PPP3CA: variants seen among roughly 807,000 people sequenced by gnomAD.
PPP3CA encodes protein phosphatase 3 catalytic subunit alpha.
A neutral mutation model predicts 66.5 loss-of-function variants in PPP3CA; 14 were observed. The ratio of observed to expected loss-of-function variants is 0.21; its 90% CI spans 0.14 to 0.33. The LOEUF is 0.33. Among genes scored for constraint, PPP3CA ranks in the 10% least tolerant of loss-of-function variants. The probability of loss-of-function intolerance (pLI) is 1.00; values close to 1 mark genes in which losing one functional copy is unlikely to be tolerated. For missense variants in PPP3CA, 317 were observed against 639.5 expected, an observed-to-expected ratio of 0.50 and a Z score of 5.44; for synonymous variants, 232 against 226.2, an observed-to-expected ratio of 1.03 and a Z score of -0.23.
chr4:101,267,685 C>CA (rs1560689369), intron 1 of PPP3CA, among the ~76,000 whole-genome samples: 1 of 151,708 alleles, frequency 6.6e-6, no homozygotes, highest in African/African-American at 2.4e-5. Flanking sequence ...TATTAACATA[C>CA]GCTATCTCTG....
intron 11 of PPP3CA, among the ~76,000 whole-genome samples, chr4:101,039,829 T>A (rs965521089): frequency 2.1e-5 from 3 of 144,672 alleles, no homozygotes; most frequent in African/African-American, 7.6e-5. Context: ...TCATTTTGAA[T>A]TGACTGTAGA....
chr4:101,199,516 G>T (rs766581027), intron 1 of PPP3CA, among the ~76,000 whole-genome samples: 10 of 152,134 alleles, frequency 6.6e-5, no homozygotes, highest in Non-Finnish European at 1.5e-4. Context: ...AGACTTCTTA[G>T]AAGCATCCTA....
intron 1 of PPP3CA, among the ~76,000 whole-genome samples, chr4:101,331,294 G>T (rs1047323031): frequency 6.6e-6 from 1 of 152,116 alleles, no homozygotes; most frequent in Non-Finnish European, 1.5e-5. Context: ...TACATGCAAG[G>T]CATGGATATT....
intron 1 of PPP3CA, among the ~76,000 whole-genome samples, chr4:101,258,120 A>G (rs1314628613): frequency 6.6e-6 from 1 of 152,164 alleles, no homozygotes; most frequent in Non-Finnish European, 1.5e-5. Context: ...AGTTATCAAA[A>G]AAGTCTTGAC....
Position 101,260,620 on chromosome 4 carries a change from C to T in PPP3CA, c.59-64504G>A, listed in dbSNP as rs79442191. 6.6e-3 allele frequency among the ~76,000 whole-genome samples: 1,000 copies of T among 152,168 alleles called. 9 individuals are homozygous for T. The highest frequency in any genetic ancestry group is 0.023 in the African/African-American group (952 of 41,518). On this transcript the variant is annotated intron_variant, in intron 1 of 13. Coordinates refer to ENST00000394854, the MANE Select transcript of PPP3CA (RefSeq NM_000944.5). ...CTGATGAGCCAAATTATTAACTAAA[C>T]GATGAATGCCAGCAGCATATTGTAA...
intron 11 of PPP3CA, among the ~76,000 whole-genome samples, chr4:101,035,133 ATGGCATGCTCC>A (rs1727182415): frequency 6.6e-6 from 1 of 152,042 alleles, no homozygotes; most frequent in African/African-American, 2.4e-5. Context: ...GCCGGGTGTG[ATGGCATGCTCC>A]TGTAATCCCA....
chr4:101,312,896 A>G (rs1728772161), intron 1 of PPP3CA, among the ~76,000 whole-genome samples: 2 of 152,218 alleles, frequency 1.3e-5, no homozygotes, highest in Admixed American at 1.3e-4. Context: ...TCTTTGACAT[A>G]TCAACATTCT....
intron 1 of PPP3CA, among the ~76,000 whole-genome samples, chr4:101,344,661 G>A (rs1729921518): frequency 1.3e-5 from 2 of 152,194 alleles, no homozygotes; most frequent in Admixed American, 6.5e-5. Flanking sequence ...GCAAGGCAAA[G>A]TAGCCTTGGA....
At chr4:101,239,239 GCA>G (rs1403988528) in intron 1 of PPP3CA, among the ~76,000 whole-genome samples, 9 of 151,990 alleles carry the variant, frequency 5.9e-5, no homozygotes, top group African/African-American at 1.4e-4. Context: ...TCTTAAAAAG[GCA>G]CAGTCTCACT....
intron 1 of PPP3CA, among the ~76,000 whole-genome samples, chr4:101,212,739 T>C (rs926502596): frequency 6.6e-6 from 1 of 151,630 alleles, no homozygotes; most frequent in Non-Finnish European, 1.5e-5. Context: ...GTGTCTTTAG[T>C]GGAAGGCTCA....
At position 101,333,289 on chromosome 4, in the gene PPP3CA, T is replaced by G. The variant is rs942859478; in HGVS notation, c.58+13450A>C. 1.2e-3 allele frequency among the ~76,000 whole-genome samples: 133 copies of G among 110,388 alleles called. 3 individuals are homozygous for G. The highest frequency in any genetic ancestry group is 4.0e-3 in the East Asian group (17 of 4,302). 72.4% of individuals were successfully genotyped at this position (110,388 alleles called of 152,430 possible). On this transcript the variant is annotated intron_variant, in intron 1 of 13. Coordinates refer to ENST00000394854, the MANE Select transcript of PPP3CA (RefSeq NM_000944.5). ...TGCCCAGTTTTTTTTTTTTTTTTTT[T>G]TTTTTTTTTTTTTTTTTTTTGTAGA...
intron 8 of PPP3CA, among the ~76,000 whole-genome samples, chr4:101,075,690 G>T (rs116758216): frequency 1.1e-3 from 166 of 152,278 alleles, no homozygotes; most frequent in African/African-American, 3.8e-3. Context: ...TTAAGCCAAT[G>T]TTCACATCTG....
intron 1 of PPP3CA, among the ~76,000 whole-genome samples, chr4:101,298,708 T>A (rs1728272634): frequency 6.6e-6 from 1 of 152,204 alleles, no homozygotes; most frequent in African/African-American, 2.4e-5. Context: ...TAATTAACTT[T>A]ATGTTATCCA....
intron 8 of PPP3CA, among the ~76,000 whole-genome samples, chr4:101,073,777 G>T (rs949756987): frequency 6.6e-6 from 1 of 152,082 alleles, no homozygotes; most frequent in Admixed American, 6.5e-5. Context: ...AATGAATTAG[G>T]GGTTGGGGGG....
intron 1 of PPP3CA, among the ~76,000 whole-genome samples, chr4:101,246,999 C>T (rs1021050582): frequency 6.6e-6 from 1 of 152,124 alleles, no homozygotes; most frequent in Non-Finnish European, 1.5e-5. Context: ...GTAAGTACAA[C>T]ATACGTACTT....
chr4:101,245,512 C>T (rs1726449170), intron 1 of PPP3CA, among the ~76,000 whole-genome samples: 1 of 152,084 alleles, frequency 6.6e-6, no homozygotes. Context: ...ACCTTTTATC[C>T]TCTAAAGTCA....
intron 1 of PPP3CA, among the ~76,000 whole-genome samples, chr4:101,289,634 G>A (rs1039401323): frequency 3.9e-5 from 6 of 152,026 alleles, no homozygotes; most frequent in Non-Finnish European, 7.4e-5. Context: ...TGTAAATCCA[G>A]TCTCTTATGT....
At chr4:101,153,459 A>C (rs1723208231) in intron 2 of PPP3CA, among the ~76,000 whole-genome samples, 1 of 152,242 alleles carries the variant, frequency 6.6e-6, no homozygotes, top group Admixed American at 6.5e-5. Flanking sequence ...GATACTATAT[A>C]CTACTGGCAA....
At chr4:101,115,432 C>T (rs1030396877) in intron 2 of PPP3CA, among the ~76,000 whole-genome samples, 1 of 151,732 alleles carries the variant, frequency 6.6e-6, no homozygotes, top group Admixed American at 6.6e-5. Flanking sequence ...AAAACAAGAA[C>T]CAATCTTGTT....
Sources: gnomAD v4.1 joint callset for allele counts (sites outside exome capture counted in the v4.1 genomes callset) on GRCh38, gnomAD v4.1.1 for gene constraint, MANE v1.5 for transcripts, NCBI Gene and HGNC (gene_info 2026-07-23, HGNC 2026-07-21) for gene names.